Variants in NLGN1 observed in about 807,000 individuals in gnomAD.
NLGN1 encodes neuroligin-1.
A neutral mutation model predicts 65.5 loss-of-function variants in NLGN1; 12 were observed. The observed-to-expected ratio is 0.18, with a 90% confidence interval of 0.12 to 0.30. The LOEUF is 0.30. NLGN1 is among the 10% of genes least tolerant of loss of function. The pLI, the probability that NLGN1 is intolerant of heterozygous loss-of-function variation, is 1.00. For missense variants in NLGN1, 750 were observed against 1,007.1 expected, an observed-to-expected ratio of 0.74 and a Z score of 3.46; for synonymous variants, 350 against 359.5, an observed-to-expected ratio of 0.97 and a Z score of 0.30.
chr3:174,107,206 T>C (rs1464107108), intron 4 of NLGN1, among the ~76,000 whole-genome samples: 3 of 152,066 alleles, frequency 2.0e-5, no homozygotes. Context: ...GATATTGATA[T>C]AGTCAAGGTA....
rs556397408 is a variant in NLGN1, at chr3:173,475,078, A to G, written c.-321+40000A>G. Among the ~76,000 whole-genome samples, 7 of 152,330 alleles carry G rather than the reference A, an allele frequency of 4.6e-5. No homozygotes were observed. In the South Asian group the frequency reaches 6.2e-4, roughly 14 times the overall value. On this transcript the variant is annotated intron_variant, in intron 2 of 6. Transcript: ENST00000457714. ...TTTATATTATCTTAGATGCAGCATC[A>G]AAATTACCAATATAAACTTATACTC...
intron 5 of NLGN1, among the ~76,000 whole-genome samples, chr3:174,276,071 A>T (rs1411635041): frequency 6.6e-6 from 1 of 151,912 alleles, no homozygotes; most frequent in Non-Finnish European, 1.5e-5. Context: ...CATCAAGGTC[A>T]CTGGTAGAGC....
At chr3:173,649,134 C>G (rs1390843595) in intron 3 of NLGN1, among the ~76,000 whole-genome samples, 4 of 152,114 alleles carry the variant, frequency 2.6e-5, no homozygotes. Context: ...GTCAGATTCT[C>G]TCCTTGGCAA....
At chr3:174,022,173 C>T (rs1299620000) in intron 4 of NLGN1, among the ~76,000 whole-genome samples, 7 of 152,096 alleles carry the variant, frequency 4.6e-5, no homozygotes, top group African/African-American at 1.4e-4. Flanking sequence ...ATCCTTTTAA[C>T]GTCCAGCACT....
chr3:173,674,175 TG>T (rs1027860768), intron 3 of NLGN1, among the ~76,000 whole-genome samples: 3 of 152,164 alleles, frequency 2.0e-5, no homozygotes, highest in South Asian at 4.1e-4. Context: ...TTTAATTTTC[TG>T]AAGTAATGAG....
chr3:173,743,404 CTATTA>C (rs759364445), intron 3 of NLGN1, among the ~76,000 whole-genome samples: 5 of 151,982 alleles, frequency 3.3e-5, no homozygotes, highest in African/African-American at 1.2e-4. Flanking sequence ...ACCATTTACT[CTATTA>C]TATTATATTA....
intron 4 of NLGN1, among the ~76,000 whole-genome samples, chr3:174,041,745 A>G (rs904783995): frequency 6.6e-6 from 1 of 152,080 alleles, no homozygotes. Flanking sequence ...GTATTAATAT[A>G]TTGGCCATAT....
At chr3:174,204,189 C>A (rs1240904009) in intron 4 of NLGN1, among the ~76,000 whole-genome samples, 6 of 151,982 alleles carry the variant, frequency 3.9e-5, no homozygotes, top group Non-Finnish European at 8.8e-5. Context: ...TTTAATTTTA[C>A]AAAATTGACC....
intron 3 of NLGN1, among the ~76,000 whole-genome samples, chr3:173,652,338 G>T (rs1338021406): frequency 6.6e-6 from 1 of 152,096 alleles, no homozygotes; most frequent in Non-Finnish European, 1.5e-5. Flanking sequence ...TGAATGCCTT[G>T]CCTGGGAAAA....
intron 4 of NLGN1, among the ~76,000 whole-genome samples, chr3:173,867,365 A>G (rs1578879553): frequency 6.6e-6 from 1 of 152,130 alleles, no homozygotes; most frequent in African/African-American, 2.4e-5. Flanking sequence ...TGTATTGGCT[A>G]ATTTAGAATG....
chr3:174,030,122 CTTTTT>C (rs3979617), intron 4 of NLGN1, among the ~76,000 whole-genome samples: 2 of 118,354 alleles, frequency 1.7e-5, no homozygotes, highest in Non-Finnish European at 1.7e-5. Context: ...TTTAAGTTAG[CTTTTT>C]TTTTTTTTTT....
intron 4 of NLGN1, among the ~76,000 whole-genome samples, chr3:174,127,234 T>C (rs1384640764): frequency 6.6e-6 from 1 of 152,160 alleles, no homozygotes; most frequent in Non-Finnish European, 1.5e-5. Context: ...TTTGATAAGA[T>C]CAAGTAATGT....
intron 4 of NLGN1, among the ~76,000 whole-genome samples, chr3:173,838,189 G>A (rs1724035006): frequency 6.8e-6 from 1 of 147,562 alleles, no homozygotes; most frequent in Admixed American, 6.8e-5. Flanking sequence ...TTGTAACCTG[G>A]TCAACTTTCT....
chr3:174,243,058 A>G (rs561012270), intron 4 of NLGN1, among the ~76,000 whole-genome samples: 47 of 152,302 alleles, frequency 3.1e-4, no homozygotes, highest in African/African-American at 1.1e-3. Context: ...TTTGAAGCAA[A>G]GATGAAAAAT....
At chr3:174,171,430 A>G (rs553848262) in intron 4 of NLGN1, among the ~76,000 whole-genome samples, 2 of 152,112 alleles carry the variant, frequency 1.3e-5, no homozygotes, top group Non-Finnish European at 2.9e-5. Context: ...CAAATGTAGG[A>G]TTTGCTCGTT....
intron 2 of NLGN1, among the ~76,000 whole-genome samples, chr3:173,591,453 C>A (rs997266522): frequency 2.0e-5 from 3 of 152,120 alleles, no homozygotes; most frequent in African/African-American, 7.2e-5. Context: ...ATGTGAAAGG[C>A]GTTGGTGGTC....
intron 2 of NLGN1, among the ~76,000 whole-genome samples, chr3:173,476,345 TAA>T (rs1227933549): frequency 6.6e-6 from 1 of 152,206 alleles, no homozygotes; most frequent in Non-Finnish European, 1.5e-5. Flanking sequence ...AAAATTTGGA[TAA>T]GTTTAATGTT....
intron 3 of NLGN1, among the ~76,000 whole-genome samples, chr3:173,670,179 G>A (rs896528331): frequency 6.6e-6 from 1 of 152,040 alleles, no homozygotes; most frequent in East Asian, 1.9e-4. Flanking sequence ...GAGAACATAG[G>A]TGCCTGGTGC....
chr3:174,204,260 TA>T (rs1273578074), intron 4 of NLGN1, among the ~76,000 whole-genome samples: 1 of 152,218 alleles, frequency 6.6e-6, no homozygotes, highest in Non-Finnish European at 1.5e-5. Flanking sequence ...TGTTGTTCTT[TA>T]AAAACAATTA....
Sources: allele counts gnomAD v4.1 joint callset (sites outside exome capture counted in the v4.1 genomes callset), GRCh38; gene constraint gnomAD v4.1.1; transcripts MANE v1.5; gene names NCBI Gene and HGNC (gene_info 2026-07-23, HGNC 2026-07-21).